TNRC6C: variants seen among roughly 807,000 people sequenced by gnomAD.
TNRC6C encodes the protein trinucleotide repeat-containing gene 6C protein.
A neutral mutation model predicts 153.7 loss-of-function variants in TNRC6C; 20 were observed. The observed-to-expected ratio is 0.13, with a 90% CI of 0.09 to 0.19. TNRC6C has a LOEUF of 0.19. Among genes scored for constraint, TNRC6C ranks in the 10% least tolerant of loss-of-function variants. The pLI is 1.00. For synonymous variants in TNRC6C, 811 were observed against 841.4 expected, an observed-to-expected ratio of 0.96 and a Z score of 0.63; for missense variants, 1,987 against 2,172.0, an observed-to-expected ratio of 0.91 and a Z score of 1.69.
rs138986862 is a variant in TNRC6C at position 78,030,314 on chromosome 17, T to TTG, written c.-545-1193_-545-1192dup. 5.3e-3 allele frequency among the ~76,000 whole-genome samples: 748 copies of TTG among 142,302 alleles called. 9 individuals carry two copies. Among genetic ancestry groups the TTG allele is most frequent in the African/African-American group, 0.017 (700 of 40,624 alleles). The allele number at this position is 142,302 out of a possible 152,430, so 93.4% of individuals were successfully genotyped here. On this transcript the variant is annotated intron_variant, in intron 1 of 19. Transcript: ENST00000301624. ...ACCCGTACCTGCCACCACACCTGGC[T>TTG]TGTGTGTGTGCGTGTGTGTGTGTGT...
At chr17:78,018,453 C>G (rs141211079) in intron 1 of TNRC6C, among the ~76,000 whole-genome samples, 2 of 152,030 alleles carry the variant, frequency 1.3e-5, no homozygotes, top group African/African-American at 4.8e-5. Flanking sequence ...TTATATAATA[C>G]TCAGTATTCA....
At chr17:77,974,153 A>T (rs1170181098) in intron 1 of TNRC6C, among the ~76,000 whole-genome samples, 1 of 152,176 alleles carries the variant, frequency 6.6e-6, no homozygotes, top group Non-Finnish European at 1.5e-5. Context: ...TTTGCAAATC[A>T]TAAAGCTAGT....
At chr17:78,078,039 A>T (rs1010564543) in intron 9 of TNRC6C, among the ~76,000 whole-genome samples, 12 of 152,198 alleles carry the variant, frequency 7.9e-5, no homozygotes, top group African/African-American at 2.9e-4. Context: ...GCTTGGAGAC[A>T]TGTCTCTAAG....
intron 18 of TNRC6C, among the ~76,000 whole-genome samples, 160 bp from the exon 22 acceptor site, chr17:78,103,254 T>G (rs189827581): frequency 3.3e-4 from 51 of 152,358 alleles, no homozygotes; most frequent in Middle Eastern, 3.4e-3. Flanking sequence ...GCCACAGAGA[T>G]ATAAAACGTT....
chr17:78,075,458 T>G lies in TNRC6C; in HGVS notation c.3060+180T>G. On this transcript the variant is annotated intron_variant, in intron 8 of 19. Coordinates refer to ENST00000301624, the Ensembl canonical transcript of TNRC6C. The surrounding 1 kb of genome is among the most constrained non-coding windows in gnomAD (Gnocchi z 4.2). ...TCAAAGAAGGGAATGTCGTATTTCATAAGATGTTACTGAGAATGAAAAAGA... is the reference window on the plus strand; with the variant it reads ...TCAAAGAAGGGAATGTCGTATTTCAGAAGATGTTACTGAGAATGAAAAAGA... The G allele has an allele frequency of 1.4e-6, 1 of 721,596 alleles. No homozygotes were observed. Among genetic ancestry groups the G allele is most frequent in the Non-Finnish European group, 2.2e-6 (1 of 457,350 alleles). 44.7% of individuals were successfully genotyped at this position (721,596 alleles called of 1,614,324 possible). A position where few individuals can be genotyped will look rare whatever the true frequency, so the allele number is the denominator to read the frequency against.
chr17:78,057,872 A>G lies in TNRC6C; in HGVS notation c.2395+6415A>G, dbSNP rs539531204. On this transcript the variant is annotated intron_variant, in intron 3 of 19. Coordinates refer to ENST00000301624, the Ensembl canonical transcript of TNRC6C. ...TTAAAGGAACGAATGCTACAGTACA[A>G]TCATTTTTGTCCTATGCTTGTTGAT... is the stretch of plus-strand genomic sequence containing the variant. Among the ~76,000 whole-genome samples the G allele has an allele frequency of 3.4e-3, 523 of 152,220 alleles. 2 individuals carry two copies. Among genetic ancestry groups the G allele is most frequent in the Non-Finnish European group, 5.7e-3 (387 of 68,006 alleles).
chr17:78,032,655 CTG>C (rs1351504267), intron 2 of TNRC6C, among the ~76,000 whole-genome samples: 5 of 152,102 alleles, frequency 3.3e-5, no homozygotes, highest in Non-Finnish European at 5.9e-5. Context: ...AAATTAAGGT[CTG>C]TAATTAGATG....
upstream of TNRC6C, among the ~76,000 whole-genome samples, chr17:78,000,239 T>C (rs2071390108): frequency 6.6e-6 from 1 of 152,232 alleles, no homozygotes; most frequent in South Asian, 2.1e-4. Flanking sequence ...ATCTCAAGCA[T>C]ACTCTCTATT....
intron 3 of TNRC6C, among the ~76,000 whole-genome samples, chr17:78,056,882 TAG>T (rs1555638104): frequency 1.5e-4 from 23 of 151,190 alleles, no homozygotes; most frequent in South Asian, 6.3e-4. Flanking sequence ...AAAATATTTA[TAG>T]ATTTTTTTAA....
At chr17:78,042,759 T>C (rs1043233932) in intron 2 of TNRC6C, among the ~76,000 whole-genome samples, 2 of 151,782 alleles carry the variant, frequency 1.3e-5, no homozygotes, top group Non-Finnish European at 2.9e-5. Context: ...ATGCTGGTGG[T>C]GATCATGGTG....
At chr17:78,092,116 A>G (rs2073405074) in intron 14 of TNRC6C, among the ~76,000 whole-genome samples, 1 of 152,236 alleles carries the variant, frequency 6.6e-6, no homozygotes, top group Non-Finnish European at 1.5e-5. Flanking sequence ...AGCAAAAATG[A>G]TAACCATAGG....
chr17:78,083,651 G>A (rs978526264), intron 11 of TNRC6C, among the ~76,000 whole-genome samples: 3 of 152,104 alleles, frequency 2.0e-5, no homozygotes, highest in African/African-American at 7.2e-5. Context: ...TTCTAAGGAT[G>A]GTATACATAA....
chr17:78,014,050 C>T (rs2071684540), intron 1 of TNRC6C, among the ~76,000 whole-genome samples: 1 of 152,144 alleles, frequency 6.6e-6, no homozygotes, highest in Non-Finnish European at 1.5e-5. Context: ...CCTCTTCTGG[C>T]GGGTTGTAGG....
At chr17:78,041,018 ATGT>A (rs1555634555) in intron 2 of TNRC6C, 11 of 152,092 alleles carry the variant, frequency 7.2e-5, no homozygotes, top group Non-Finnish European at 1.5e-5. Context: ...CCCAGCCGAC[ATGT>A]TGTAGCGAGA....
At chr17:78,081,276 G>A (rs1020592370) in intron 10 of TNRC6C, among the ~76,000 whole-genome samples, 2 of 151,930 alleles carry the variant, frequency 1.3e-5, no homozygotes, top group African/African-American at 4.8e-5. Context: ...AGGAATTCTC[G>A]GGGGACGCAG....
chr17:78,065,675 G>A (rs2072862162), intron 4 of TNRC6C, among the ~76,000 whole-genome samples: 1 of 152,094 alleles, frequency 6.6e-6, no homozygotes, highest in Non-Finnish European at 1.5e-5. Flanking sequence ...GTATTGCCCT[G>A]CTTTCATCTT....
At chr17:78,066,930 T>C (rs1203791004) in intron 4 of TNRC6C, 1 of 152,214 alleles carries the variant, frequency 6.6e-6, no homozygotes, top group Non-Finnish European at 1.5e-5. Flanking sequence ...CAAGCAGTGA[T>C]TAAGAATCAG....
intron 1 of TNRC6C, among the ~76,000 whole-genome samples, chr17:77,964,463 G>A (rs1324985667): frequency 2.0e-5 from 3 of 152,330 alleles, no homozygotes; most frequent in African/African-American, 7.2e-5. Context: ...TTGGGAATAT[G>A]TGCTTTGTTT....
At position 78,104,462 on chromosome 17, in the gene TNRC6C, C is replaced by T. The variant is rs2073653182; in HGVS notation, c.4713-23C>T. The T allele has an allele frequency of 1.4e-6, 2 of 1,473,366 alleles. No individual in the cohort carries two copies. The highest frequency in any genetic ancestry group is 1.8e-6 in the Non-Finnish European group (2 of 1,108,850). 91.3% of individuals were successfully genotyped at this position (1,473,366 alleles called of 1,614,324 possible). A position where few individuals can be genotyped will look rare whatever the true frequency, so the allele number is the denominator to read the frequency against. ...GCAGGACTTGGGGTGGCCCTGTTCACGTGCCCCATCTTGCTGTTGCAGGTG... is the reference window on the plus strand; with the variant it reads ...GCAGGACTTGGGGTGGCCCTGTTCATGTGCCCCATCTTGCTGTTGCAGGTG... On this transcript the variant is annotated intron_variant, in intron 19 of 19. Transcript: ENST00000301624. The surrounding 1 kb of genome is among the most constrained non-coding windows in gnomAD (Gnocchi z 6.2).
Sources: gnomAD v4.1 joint callset for allele counts (sites outside exome capture counted in the v4.1 genomes callset) on GRCh38, gnomAD v4.1.1 for gene constraint, Gnocchi (gnomAD v3.1) non-coding constraint, MANE v1.5 for transcripts, NCBI Gene and HGNC (gene_info 2026-07-23, HGNC 2026-07-21) for gene names.